The following LARP4 variants were observed in gnomAD, a reference collection of about 807,000 sequenced individuals.
The protein encoded by LARP4 is la-related protein 4.
Under a neutral mutation model 92.9 loss-of-function variants are expected in LARP4, and 29 were observed. That is an observed-to-expected ratio of 0.31 (90% CI 0.23 to 0.43). The LOEUF (loss-of-function observed/expected upper bound fraction) is 0.43. LARP4 is among the 20% of genes least tolerant of loss of function. The probability of loss-of-function intolerance (pLI) is 1.00; values close to 1 mark genes in which losing one functional copy is unlikely to be tolerated. For missense variants in LARP4, 732 were observed against 860.0 expected (o/e 0.85, Z 1.86); for synonymous variants, 279 against 284.1 (o/e 0.98, Z 0.18).
At chr12:50,459,997 G>A (rs760614268) in intron 10 of LARP4, among the ~76,000 whole-genome samples, 2 of 151,864 alleles carry the variant, frequency 1.3e-5, no homozygotes, top group Non-Finnish European at 2.9e-5. Flanking sequence ...TTAGCCGGGT[G>A]TGGTGGCATA....
chr12:50,434,450 C>A (rs1483222392), intron 4 of LARP4, among the ~76,000 whole-genome samples: 1 of 146,426 alleles, frequency 6.8e-6, no homozygotes, highest in Non-Finnish European at 1.5e-5. Context: ...TGGAGTTTCG[C>A]CCTTGTTGCC....
chr12:50,417,080 A>G (rs1946930669), intron 1 of LARP4, among the ~76,000 whole-genome samples: 1 of 152,080 alleles, frequency 6.6e-6, no homozygotes, highest in African/African-American at 2.4e-5. Flanking sequence ...TTGCATGTAT[A>G]TATAGTGGCA....
intron 4 of LARP4, among the ~76,000 whole-genome samples, chr12:50,434,930 C>A (rs1371095516): frequency 2.6e-5 from 4 of 152,092 alleles, no homozygotes; most frequent in African/African-American, 9.7e-5. Flanking sequence ...CGCCTGTAGT[C>A]CCAGCTACTC....
chr12:50,430,600 AT>A lies in LARP4; in HGVS notation c.398+32del. On this transcript the variant is annotated intron_variant, in intron 4 of 15. Coordinates refer to ENST00000398473, the MANE Select transcript of LARP4 (RefSeq NM_052879.5). ...TGCTGTTTCCCCTTTATTGAATTTT[AT>A]TAGTAGATGTAAAATACGTGTGAAA... The A allele has an allele frequency of 3.0e-6, 4 of 1,315,908 alleles. No individual in the cohort carries two copies. In the South Asian group the frequency reaches 5.1e-5, roughly 17 times the overall value. The allele number at this position is 1,315,908 out of a possible 1,614,324, so 81.5% of individuals were successfully genotyped here.
rs755140929 is a variant in LARP4, at chr12:50,475,791, A to G, written c.2102A>G (p.His701Arg). ...AGGGAACAGAGACGCCAGTTTAGCCATAGGGCTATACCTCAGGGAGTGACT... is the reference window on the plus strand; with the variant it reads ...AGGGAACAGAGACGCCAGTTTAGCCGTAGGGCTATACCTCAGGGAGTGACT... ...KIREQRRQFSHRAIPQGVTRR... is the reference protein window; with the variant it reads ...KIREQRRQFSRRAIPQGVTRR... Residue 701 changes from histidine to arginine, a missense_variant, in exon 16 of 16, where the codon CAT (histidine) becomes CGT (arginine). His to Arg is a conservative substitution (Grantham distance 29). Around this residue, in one of 7 missense-constraint regions of LARP4, gnomAD observed 115 missense variants for 129.1 expected, o/e 0.89. Coordinates refer to ENST00000398473, the MANE Select transcript of LARP4 (RefSeq NM_052879.5). 7.4e-6 allele frequency: 12 copies of G among 1,614,094 alleles called. No individual in the cohort carries two copies. In the Admixed American group the frequency reaches 1.3e-4, roughly 18 times the overall value.
At chr12:50,421,226 G>C (rs1034968670) in intron 1 of LARP4, 204 of 973,790 alleles carry the variant, frequency 2.1e-4, no homozygotes, top group Non-Finnish European at 2.3e-4. Context: ...TTTGATTACA[G>C]GCGTGAGCCA....
intron 1 of LARP4, chr12:50,421,257 A>G: frequency 1.0e-6 from 1 of 984,844 alleles, no homozygotes; most frequent in Non-Finnish European, 1.2e-6. Context: ...CCGGCTTTTA[A>G]CGTACTGTAA....
In LARP4 at chr12:50,463,415, C is replaced by G. The variant is rs186378400; in HGVS notation, c.1383+785C>G. Among the ~76,000 whole-genome samples, 467 of 73,154 alleles carry G rather than the reference C, an allele frequency of 6.4e-3. 2 individuals are homozygous for G. The highest frequency in any genetic ancestry group is 0.056 in the Middle Eastern group (6 of 108). 48.0% of individuals were successfully genotyped at this position (73,154 alleles called of 152,430 possible). ...CCTGGGCAAGGTGATGAAACCCCAT[C>G]TCTCCAAAAAAAAAAAAAAAAAAAA... On this transcript the variant is annotated intron_variant, in intron 12 of 15. Coordinates refer to ENST00000398473, the MANE Select transcript of LARP4 (RefSeq NM_052879.5).
chr12:50,458,312 TAGAGAC>T (rs567918212), intron 10 of LARP4, among the ~76,000 whole-genome samples: 3 of 151,978 alleles, frequency 2.0e-5, no homozygotes, highest in Non-Finnish European at 4.4e-5. Context: ...TATTTTTAGT[TAGAGAC>T]AGAGGGTTTC....
At position 50,448,792 on chromosome 12, in the gene LARP4, T is replaced by C. The variant is rs1007868054; in HGVS notation, c.805-4668T>C. 5.3e-5 allele frequency among the ~76,000 whole-genome samples: 8 copies of C among 152,170 alleles called. No homozygotes were observed. In the East Asian group the frequency reaches 1.5e-3, roughly 29 times the overall value. On this transcript the variant is annotated intron_variant, in intron 8 of 15. Transcript: ENST00000398473. ...TGCCTGCCTTGGCCTCACAAAGTTC[T>C]GGGATTGCAGGCGTGAGCCACTGCA... is the stretch of plus-strand genomic sequence containing the variant.
intron 8 of LARP4, among the ~76,000 whole-genome samples, chr12:50,452,492 T>C (rs962630331): frequency 7.9e-5 from 12 of 152,182 alleles, no homozygotes; most frequent in African/African-American, 2.2e-4. Context: ...TATTTTTAAC[T>C]TTTGAGGAAT....
chr12:50,477,582 G>A lies in LARP4; in HGVS notation c.*1718G>A, dbSNP rs1394046887. 2.0e-5 allele frequency: 3 copies of A among 152,472 alleles called. No homozygotes were observed. Among genetic ancestry groups the A allele is most frequent in the Non-Finnish European group, 4.4e-5 (3 of 67,920 alleles). 9.4% of individuals were successfully genotyped at this position (152,472 alleles called of 1,614,324 possible). ...TTAAGCTTTGGAGATACATGTTAGTGGTTAACTGTTAAGAGCTTTGAAAAC... is the reference window on the plus strand; with the variant it reads ...TTAAGCTTTGGAGATACATGTTAGTAGTTAACTGTTAAGAGCTTTGAAAAC... On this transcript the variant is annotated 3_prime_UTR_variant, in exon 16 of 16. Transcript: ENST00000398473.
At chr12:50,443,433 G>A (rs1206321657) in intron 8 of LARP4, among the ~76,000 whole-genome samples, 1 of 151,810 alleles carries the variant, frequency 6.6e-6, no homozygotes, top group East Asian at 1.9e-4. Flanking sequence ...ATCATGCCTG[G>A]CTAATTTTTA....
intron 10 of LARP4, among the ~76,000 whole-genome samples, chr12:50,455,127 T>C (rs1053225093): frequency 6.6e-6 from 1 of 152,150 alleles, no homozygotes; most frequent in African/African-American, 2.4e-5. Context: ...TCATAGAAAC[T>C]ATATGCTATC....
intron 13 of LARP4, among the ~76,000 whole-genome samples, chr12:50,470,097 G>A (rs1322378684): frequency 6.6e-6 from 1 of 151,808 alleles, no homozygotes; most frequent in African/African-American, 2.4e-5. Context: ...GGTGACGTAT[G>A]CCTGTAGTCC....
chr12:50,421,864 C>T (rs984445228), intron 1 of LARP4, among the ~76,000 whole-genome samples: 3 of 151,758 alleles, frequency 2.0e-5, no homozygotes, highest in African/African-American at 7.3e-5. Context: ...GGTTTGAATC[C>T]TTCCTTCATA....
At chr12:50,460,394 C>A (rs1444065155) in intron 10 of LARP4, among the ~76,000 whole-genome samples, 1 of 152,124 alleles carries the variant, frequency 6.6e-6, no homozygotes, top group Non-Finnish European at 1.5e-5. Flanking sequence ...GTTGTGCAAT[C>A]ATAGCTCGCT....
At chr12:50,408,311 C>T (rs1945225064) in intron 1 of LARP4, among the ~76,000 whole-genome samples, 2 of 143,906 alleles carry the variant, frequency 1.4e-5, no homozygotes, top group South Asian at 4.8e-4. Flanking sequence ...GATTCTCTTA[C>T]CTCAGCCTTC....
chr12:50,474,132 A>T lies in LARP4; in HGVS notation c.1801A>T (p.Asn601Tyr), dbSNP rs771011602. Residue 601 changes from asparagine (N) to tyrosine (Y), a missense_variant, in exon 15 of 16, where the codon AAT (asparagine) becomes TAT (tyrosine). Asn to Tyr is a moderately radical substitution (Grantham distance 143, BLOSUM62 -2). Coordinates refer to ENST00000398473, the MANE Select transcript of LARP4 (RefSeq NM_052879.5). Reference sequence around the variant, plus strand: ...GGCAAGTACTGCTTCACCATGTAATAATAACATAAATGCAGCTACAGCTGT... The same window carrying T: ...GGCAAGTACTGCTTCACCATGTAATTATAACATAAATGCAGCTACAGCTGT... ...SRASTASPCN[N>Y]NINAATAVAL... 6.2e-6 allele frequency: 10 copies of T among 1,613,466 alleles called. No homozygotes were observed. The South Asian group carries it at 1.1e-4, about 18-fold the overall frequency.
Sources: allele counts gnomAD v4.1 joint callset (sites outside exome capture counted in the v4.1 genomes callset), GRCh38; gene constraint gnomAD v4.1.1; regional missense constraint gnomAD v4.1.1; transcripts MANE v1.5; gene names NCBI Gene and HGNC (gene_info 2026-07-23, HGNC 2026-07-21).